Variants in PTPRD observed in about 807,000 individuals in gnomAD.
The protein encoded by PTPRD is receptor-type tyrosine-protein phosphatase delta.
Under a neutral mutation model 214.5 loss-of-function variants are expected in PTPRD, and 34 were observed. The observed-to-expected ratio is 0.16, with a 90% CI of 0.12 to 0.21. The LOEUF (loss-of-function observed/expected upper bound fraction) is 0.21, where lower values mean the gene tolerates loss of function less well. PTPRD is among the 10% of genes least tolerant of loss of function. The pLI is 1.00. For missense variants in PTPRD, 2,545 were observed against 2,398.7 expected (o/e 1.06, Z -1.27); for synonymous variants, 1,128 against 845.7 (o/e 1.33, Z -5.79).
At chr9:8,921,539 G>A (rs2098827991) in intron 11 of PTPRD, among the ~76,000 whole-genome samples, 1 of 151,900 alleles carries the variant, frequency 6.6e-6, no homozygotes, top group South Asian at 2.1e-4. Flanking sequence ...TGTCGCCCAG[G>A]CTGGAGTGCT....
chr9:10,574,462 A>T (rs2068510401), intron 2 of PTPRD, among the ~76,000 whole-genome samples: 1 of 152,086 alleles, frequency 6.6e-6, no homozygotes, highest in Non-Finnish European at 1.5e-5. Flanking sequence ...GTGACTATAG[A>T]GAAGTACACA....
intron 4 of PTPRD, among the ~76,000 whole-genome samples, chr9:9,951,105 TA>T (rs1443002806): frequency 3.3e-5 from 5 of 152,116 alleles, no homozygotes; most frequent in African/African-American, 1.2e-4. Context: ...TCAGGTTAAT[TA>T]GAATAAGATG....
intron 4 of PTPRD, among the ~76,000 whole-genome samples, chr9:9,977,960 A>T (rs2095415693): frequency 6.6e-6 from 1 of 152,052 alleles, no homozygotes. Flanking sequence ...TTTTGCTTTC[A>T]TCTAGCACAT....
chr9:8,652,028 G>A (rs1427360078), intron 12 of PTPRD, among the ~76,000 whole-genome samples: 1 of 152,172 alleles, frequency 6.6e-6, no homozygotes, highest in Non-Finnish European at 1.5e-5. Flanking sequence ...CTGAGCCCCA[G>A]GAATATGGGA....
intron 23 of PTPRD, among the ~76,000 whole-genome samples, chr9:8,503,868 GTT>G (rs200947778): frequency 2.0e-5 from 3 of 151,612 alleles, no homozygotes; most frequent in Admixed American, 6.6e-5. Context: ...AAAAAATAAA[GTT>G]TTTTTTTGTC....
At chr9:9,799,514 G>T (rs1441739422) in intron 5 of PTPRD, 1 of 152,174 alleles carries the variant, frequency 6.6e-6, no homozygotes, top group African/African-American at 2.4e-5. Context: ...GCTTTTGAAA[G>T]AATGATACAC....
intron 12 of PTPRD, among the ~76,000 whole-genome samples, chr9:8,722,346 C>G (rs372492693): frequency 3.3e-5 from 5 of 151,864 alleles, no homozygotes; most frequent in African/African-American, 1.2e-4. Flanking sequence ...GGCAAGGGAG[C>G]CATTATTTAA....
At chr9:9,567,993 T>C (rs558024629) in intron 8 of PTPRD, among the ~76,000 whole-genome samples, 1 of 151,880 alleles carries the variant, frequency 6.6e-6, no homozygotes, top group Non-Finnish European at 1.5e-5. Flanking sequence ...ATGTAACCTA[T>C]AATTACGGCA....
At chr9:10,288,050 T>C (rs1565052160) in intron 3 of PTPRD, among the ~76,000 whole-genome samples, 1 of 151,738 alleles carries the variant, frequency 6.6e-6, no homozygotes, top group South Asian at 2.1e-4. Context: ...GAGATGAATA[T>C]GAATCAATTA....
At chr9:9,717,998 A>G (rs1484137576) in intron 7 of PTPRD, among the ~76,000 whole-genome samples, 2 of 152,196 alleles carry the variant, frequency 1.3e-5, no homozygotes, top group Non-Finnish European at 2.9e-5. Context: ...TTTCCAAAAA[A>G]TACCCTCACA....
rs962598015 is a variant in PTPRD at position 10,286,270 on chromosome 9, G to A, written c.-545+54693C>T. The stretch of plus-strand genomic sequence containing the variant: ...AGCCTGTGCAACATAGCAAAACCCC[G>A]TCTCTACAAAAAAATTCAAAAATTA... On this transcript the variant is annotated intron_variant, in intron 3 of 45. Transcript: ENST00000381196. Among the ~76,000 whole-genome samples the A allele has an allele frequency of 5.9e-5, 9 of 151,826 alleles. No individual in the cohort carries two copies. In the East Asian group the frequency reaches 9.8e-4, roughly 16 times the overall value.
chr9:9,249,657 A>G (rs1269533892), intron 9 of PTPRD, among the ~76,000 whole-genome samples: 1 of 152,044 alleles, frequency 6.6e-6, no homozygotes, highest in Admixed American at 6.6e-5. Flanking sequence ...GAACAGTTAG[A>G]ACCAACTGCT....
At chr9:9,768,316 G>T (rs961171512) in intron 5 of PTPRD, among the ~76,000 whole-genome samples, 3 of 152,048 alleles carry the variant, frequency 2.0e-5, no homozygotes, top group Admixed American at 6.6e-5. Flanking sequence ...CAGTTTTTGG[G>T]ACATAGTGAC....
At chr9:9,890,858 ATCTCTTC>A (rs547868602) in intron 5 of PTPRD, among the ~76,000 whole-genome samples, 61 of 152,246 alleles carry the variant, frequency 4.0e-4, no homozygotes, top group Non-Finnish European at 8.1e-4. Flanking sequence ...ACACTCCTGA[ATCTCTTC>A]TCTCTTATCC....
At chr9:8,734,032 A>T in intron 11 of PTPRD, 86 bp from the exon 12 acceptor site, 1 of 607,964 alleles carries the variant, frequency 1.6e-6, no homozygotes, top group Non-Finnish European at 2.9e-6. Flanking sequence ...GTTCCATCAC[A>T]ATCACCATGA....
At chr9:10,363,249 G>A (rs1052518427) in intron 2 of PTPRD, among the ~76,000 whole-genome samples, 5 of 152,182 alleles carry the variant, frequency 3.3e-5, no homozygotes, top group African/African-American at 1.2e-4. Flanking sequence ...GTTCCCAGGT[G>A]AGGTCAAGGC....
At chr9:8,915,129 T>G (rs1164101349) in intron 11 of PTPRD, among the ~76,000 whole-genome samples, 1 of 152,102 alleles carries the variant, frequency 6.6e-6, no homozygotes, top group Non-Finnish European at 1.5e-5. Context: ...ATCCAGAGTC[T>G]CATATGTCAT....
chr9:9,668,484 G>A (rs2096765652), intron 7 of PTPRD, among the ~76,000 whole-genome samples: 1 of 152,008 alleles, frequency 6.6e-6, no homozygotes, highest in African/African-American at 2.4e-5. Context: ...TGCCTTTTTA[G>A]TACATTGTTG....
chr9:9,984,134 G>A (rs994004445), intron 4 of PTPRD, among the ~76,000 whole-genome samples: 2 of 151,586 alleles, frequency 1.3e-5, no homozygotes, highest in African/African-American at 4.9e-5. Flanking sequence ...AAATATAAGT[G>A]AATAAAAATA....
Sources: gnomAD v4.1 joint callset for allele counts (sites outside exome capture counted in the v4.1 genomes callset) on GRCh38, gnomAD v4.1.1 for gene constraint, MANE v1.5 for transcripts, NCBI Gene and HGNC (gene_info 2026-07-23, HGNC 2026-07-21) for gene names.